Variants in MDH1B observed in about 807,000 individuals in gnomAD.
MDH1B encodes the protein malate dehydrogenase 1B, also known as putative malate dehydrogenase 1B.
MDH1B carries 60 observed loss-of-function variants against 61.4 expected under a neutral mutation model. The observed-to-expected ratio is 0.98, with a 90% CI of 0.79 to 1.21. The LOEUF (loss-of-function observed/expected upper bound fraction) is 1.21. MDH1B is among the 50% of genes most tolerant of loss of function. MDH1B has a pLI of 0.00. For synonymous variants in MDH1B, 236 were observed against 218.7 expected, an observed-to-expected ratio of 1.08 and a Z score of -0.70; for missense variants, 587 against 632.1, an observed-to-expected ratio of 0.93 and a Z score of 0.76.
At chr2:206,748,985 T>C (rs756871858) in intron 7 of MDH1B, 35 bp downstream of exon 7, 4 of 1,596,430 alleles carry the variant, frequency 2.5e-6, no homozygotes, top group Non-Finnish European at 1.7e-6. Context: ...ATAGAGGTTT[T>C]AAGATTTTAC....
chr2:206,761,550 G>A (rs1169463749), intron 1 of MDH1B, among the ~76,000 whole-genome samples: 3 of 152,164 alleles, frequency 2.0e-5, no homozygotes, highest in African/African-American at 4.8e-5. Context: ...TTAGTCAAGT[G>A]CAGTTGGAGA....
chr2:206,740,568 ATG>A (rs1687751693), intron 10 of MDH1B, among the ~76,000 whole-genome samples: 1 of 152,138 alleles, frequency 6.6e-6, no homozygotes, highest in South Asian at 2.1e-4. Context: ...TCAACAGCAT[ATG>A]TGTGTGTATT....
Position 206,750,989 on chromosome 2 carries a change from C to T in MDH1B, c.997G>A (p.Ala333Thr). 6.2e-7 allele frequency: 1 copy of T among 1,611,542 alleles called. No individual in the cohort carries two copies. ...RKTRVYRYES[A>T]IWGPLHYSRP... The stretch of plus-strand genomic sequence containing the variant: ...GAATAATGAAGAGGTCCCCAAATGG[C>T]ACTCTCATATCTGTACACCCTTGTT... Residue 333 changes from alanine to threonine, a missense_variant, in exon 6 of 12, where the codon GCC (alanine) becomes ACC (threonine). Ala to Thr is a moderately conservative substitution (Grantham distance 58). Coordinates refer to ENST00000374412, the MANE Select transcript of MDH1B (RefSeq NM_001039845.3).
Position 206,755,115 on chromosome 2 carries a change from G to C in MDH1B, c.804C>G (p.Leu268=). 2 of 1,614,178 alleles carry C rather than the reference G, an allele frequency of 1.2e-6. No individual in the cohort carries two copies. The highest frequency in any genetic ancestry group is 8.5e-7 in the Non-Finnish European group (1 of 1,180,018). Residue 268 remains leucine (L), a synonymous_variant, in exon 5 of 12, where the codon CTC becomes CTG. Coordinates refer to ENST00000374412, the MANE Select transcript of MDH1B (RefSeq NM_001039845.3). The part of the protein sequence containing the change: ...RTFVNLKTVL[L]MRYAPRIAHN... ...GTGCAATGCGTGGGGCATATCTCAT[G>C]AGTAAAACTGTCTTCAGGTTTACAA... is the stretch of plus-strand genomic sequence containing the variant.
In MDH1B at chr2:206,757,288, T is replaced by G; in HGVS notation, c.219A>C (p.Gly73=). 6.2e-7 allele frequency: 1 copy of G among 1,614,004 alleles called. No individual in the cohort carries two copies. Among genetic ancestry groups the G allele is most frequent in the Non-Finnish European group, 8.5e-7 (1 of 1,179,912 alleles). ...PIIWRELLDR[G]GKGLLLGGYN... ...ATCCTCCCAAAAGCAAACCCTTTCC[T>G]CCACGATCCAACAGCTCTCTCCAGA... is the stretch of plus-strand genomic sequence containing the variant. Residue 73 remains glycine (G), a synonymous_variant, in exon 3 of 12, where the codon GGA becomes GGC. Coordinates refer to ENST00000374412, the MANE Select transcript of MDH1B (RefSeq NM_001039845.3).
intron 1 of MDH1B, among the ~76,000 whole-genome samples, chr2:206,762,554 A>G: frequency 6.6e-6 from 1 of 151,662 alleles, no homozygotes; most frequent in East Asian, 1.9e-4. Flanking sequence ...TATACTCATT[A>G]CATTATGTTT....
rs370100440 is a variant in MDH1B, at chr2:206,755,473, G to A, written c.446C>T (p.Pro149Leu). 5.1e-5 allele frequency: 82 copies of A among 1,613,734 alleles called. No homozygotes were observed. Among genetic ancestry groups the A allele is most frequent in the Non-Finnish European group, 6.9e-5 (82 of 1,179,872 alleles). The part of the protein sequence containing the change: ...ASAPACYNLI[P>L]ILTSGEVFGM... ...AAACACTTCGCCACTCGTCAATATG[G>A]GAATTAGGTTGTAGCAGGCAGGAGC... The change falls in exon 5 of 12, where the codon CCC becomes CTC. Residue 149 changes from proline to leucine, a missense_variant. Pro to Leu is a moderately conservative substitution (Grantham distance 98). Coordinates refer to ENST00000374412, the MANE Select transcript of MDH1B (RefSeq NM_001039845.3).
At chr2:206,755,591 G>C (rs1559345414) in intron 4 of MDH1B, 86 bp from the exon 5 acceptor site, 1 of 1,466,546 alleles carries the variant, frequency 6.8e-7, no homozygotes, top group African/African-American at 1.4e-5. Flanking sequence ...TTCTGCATGT[G>C]CATCAATAGG....
At chr2:206,743,685 C>T (rs1362988927) in intron 9 of MDH1B, among the ~76,000 whole-genome samples, 2 of 152,152 alleles carry the variant, frequency 1.3e-5, no homozygotes, top group Non-Finnish European at 2.9e-5. Context: ...TTTTTCTAAT[C>T]TGGCACCATG....
In MDH1B at chr2:206,760,405, G is replaced by A. The variant is rs901762726; in HGVS notation, c.135+496C>T. On this transcript the variant is annotated intron_variant, in intron 2 of 11. Coordinates refer to ENST00000374412, the MANE Select transcript of MDH1B (RefSeq NM_001039845.3). ...CCATCAAGAGTTCACTGTGGGATCC[G>A]CTGAGCCCTCTGTTGCAGCTATGTC... is the stretch of plus-strand genomic sequence containing the variant. Among the ~76,000 whole-genome samples, 13 of 152,272 alleles carry A rather than the reference G, an allele frequency of 8.5e-5. No homozygotes were observed. In the South Asian group the frequency reaches 1.9e-3, roughly 22 times the overall value.
chr2:206,765,267 G>T lies in MDH1B; in HGVS notation c.5C>A (p.Ala2Asp), dbSNP rs1252294555. 6.2e-7 allele frequency: 1 copy of T among 1,602,564 alleles called. No homozygotes were observed. The highest frequency in any genetic ancestry group is 8.5e-7 in the Non-Finnish European group (1 of 1,176,480). Residue 2 changes from alanine (A) to aspartate (D), a missense_variant, in exon 1 of 12, where the codon GCC becomes GAC. By Grantham distance (126) the Ala-to-Asp change is moderately radical (BLOSUM62 -2). Transcript: ENST00000374412. M[A>D]KFVIAGRADC... ...TCACTCACCCGCGATGACGAATTTG[G>T]CCATGGTCGAGAGAGACTCAGAGGC...
chr2:206,750,811 A>T, intron 6 of MDH1B, 123 bp downstream of exon 6: 2 of 783,772 alleles, frequency 2.6e-6, no homozygotes, highest in Non-Finnish European at 3.6e-6. Context: ...AGCATGAACA[A>T]ATATGAGTGT....
intron 1 of MDH1B, among the ~76,000 whole-genome samples, chr2:206,762,396 G>A (rs1689152070): frequency 6.6e-6 from 1 of 152,070 alleles, no homozygotes; most frequent in African/African-American, 2.4e-5. Flanking sequence ...AATGGAAGAG[G>A]AGTCCTACCT....
chr2:206,738,605 A>G (rs980155094), intron 11 of MDH1B, 94 bp from the exon 12 acceptor site: 11 of 824,596 alleles, frequency 1.3e-5, no homozygotes, highest in Non-Finnish European at 1.9e-5. Flanking sequence ...GGATTCCTGT[A>G]TTCATGATTC....
At chr2:206,739,327 G>A (rs1441122231) in intron 11 of MDH1B, among the ~76,000 whole-genome samples, 1 of 151,908 alleles carries the variant, frequency 6.6e-6, no homozygotes, top group Non-Finnish European at 1.5e-5. Context: ...GAGTTGGGAG[G>A]GGCACAAATC....
chr2:206,747,046 T>C (rs995879950), intron 7 of MDH1B, among the ~76,000 whole-genome samples: 4 of 152,288 alleles, frequency 2.6e-5, no homozygotes, highest in African/African-American at 9.6e-5. Context: ...AGATTGACCA[T>C]ATTTATTACT....
At position 206,754,324 on chromosome 2, in the gene MDH1B, A is replaced by G. The variant is rs146023382; in HGVS notation, c.910+685T>C. Among the ~76,000 whole-genome samples, 375 of 152,274 alleles carry G rather than the reference A, an allele frequency of 2.5e-3. 4 individuals carry two copies. Among genetic ancestry groups the G allele is most frequent in the African/African-American group, 8.5e-3 (355 of 41,536 alleles). ...CCATCTAAGGGCAAAAGTAGCTAAAATATGTCCAATATTATCTCCCTTTTC... is the reference window on the plus strand; with the variant it reads ...CCATCTAAGGGCAAAAGTAGCTAAAGTATGTCCAATATTATCTCCCTTTTC... On this transcript the variant is annotated intron_variant, in intron 5 of 11. Transcript: ENST00000374412.
chr2:206,742,922 A>G (rs774506290), intron 9 of MDH1B, among the ~76,000 whole-genome samples: 1 of 151,926 alleles, frequency 6.6e-6, no homozygotes, highest in East Asian at 1.9e-4. Flanking sequence ...TCACCATGTT[A>G]GCCAGGATGG....
intron 4 of MDH1B, chr2:206,756,562 AAAAGGC>A (rs1176758974): frequency 4.3e-6 from 1 of 231,844 alleles, no homozygotes; most frequent in Non-Finnish European, 8.4e-6. Context: ...GTGCATAGAG[AAAAGGC>A]AAAGAAAGCT....
Sources: allele counts gnomAD v4.1 joint callset (sites outside exome capture counted in the v4.1 genomes callset), GRCh38; gene constraint gnomAD v4.1.1; transcripts MANE v1.5; gene names NCBI Gene and HGNC (gene_info 2026-07-23, HGNC 2026-07-21).